The following CRYM variants were observed in gnomAD, a reference collection of about 807,000 sequenced individuals.
CRYM encodes ketimine reductase mu-crystallin.
CRYM carries 18 observed loss-of-function variants against 32.9 expected under a neutral mutation model. That is an observed-to-expected ratio of 0.55 (90% CI 0.38 to 0.81). The LOEUF (loss-of-function observed/expected upper bound fraction) is 0.81, where lower values mean the gene tolerates loss of function less well. Among genes scored for constraint, CRYM ranks in the 30% least tolerant of loss-of-function variants. CRYM has a pLI of 0.00. For synonymous variants in CRYM, 153 were observed against 152.4 expected (o/e 1.00, Z -0.03); for missense variants, 337 against 393.5 (o/e 0.86, Z 1.21).
chr16:21,283,764 C>G (rs893629041), intron 1 of CRYM: 3 of 151,226 alleles, frequency 2.0e-5, no homozygotes, highest in African/African-American at 7.2e-5. Context: ...TCCCCGGCTC[C>G]CCACACTCCC....
chr16:21,276,320 C>T (rs960568914), intron 2 of CRYM, among the ~76,000 whole-genome samples: 1 of 152,102 alleles, frequency 6.6e-6, no homozygotes, highest in Non-Finnish European at 1.5e-5. Flanking sequence ...GTTCTACCCC[C>T]CTAGGGAACC....
At chr16:21,281,875 C>G (rs1434564049), upstream of CRYM, among the ~76,000 whole-genome samples, 1 of 152,230 alleles carries the variant, frequency 6.6e-6, no homozygotes, top group Non-Finnish European at 1.5e-5. Context: ...ATAGCTTCTT[C>G]TCTCACCTGT....
chr16:21,275,756 CA>C (rs1191164081), intron 2 of CRYM, among the ~76,000 whole-genome samples, 162 bp from the exon 3 acceptor site: 1 of 152,164 alleles, frequency 6.6e-6, no homozygotes, highest in Non-Finnish European at 1.5e-5. Flanking sequence ...ACGAGATATG[CA>C]ACTTTGAACA....
At chr16:21,299,311 T>G (rs1478520034) in intron 1 of CRYM, among the ~76,000 whole-genome samples, 2 of 151,446 alleles carry the variant, frequency 1.3e-5, no homozygotes, top group East Asian at 1.9e-4. Flanking sequence ...TTTTTTTAAT[T>G]TTTTTTTTAC....
chr16:21,292,758 A>AGAC (rs1960692446), intron 1 of CRYM, among the ~76,000 whole-genome samples: 1 of 141,938 alleles, frequency 7.0e-6, no homozygotes, highest in South Asian at 2.2e-4. Context: ...GATAGATAGA[A>AGAC]TAAGATACAG....
At chr16:21,265,964 C>T (rs1228445696) in intron 5 of CRYM, among the ~76,000 whole-genome samples, 1 of 152,210 alleles carries the variant, frequency 6.6e-6, no homozygotes, top group Non-Finnish European at 1.5e-5. Context: ...TGGCTCACGC[C>T]TGTAATCCCA....
rs1269254625 is a variant in CRYM, at chr16:21,267,555, AT to A, written c.671del (p.Asn224MetfsTer18). The A allele has an allele frequency of 6.2e-7, 1 of 1,613,396 alleles. No homozygotes were observed. The highest frequency in any genetic ancestry group is 8.5e-7 in the Non-Finnish European group (1 of 1,180,004). On this transcript the variant is annotated frameshift_variant and splice_region_variant, in exon 5 of 8. Coordinates refer to ENST00000572914, the MANE Select transcript of CRYM (RefSeq NM_001376256.1). LOFTEE classifies it high-confidence loss of function. ...GEWVKPGAHI[N>X]AVGASRPDWR... ...GCCTTATGGAGCCACTCTACTTACCATTGATGTGAGCCCCTGGCTTCACCCA... is the reference window on the plus strand; with the variant it reads ...GCCTTATGGAGCCACTCTACTTACCATGATGTGAGCCCCTGGCTTCACCCA...
intron 1 of CRYM, chr16:21,283,411 C>G (rs1483569878): frequency 6.6e-6 from 1 of 152,032 alleles, no homozygotes; most frequent in Non-Finnish European, 1.5e-5. Context: ...CTGTAGATGC[C>G]AATACAGCTC....
chr16:21,289,120 G>A (rs1213476358), intron 1 of CRYM, among the ~76,000 whole-genome samples: 1 of 152,032 alleles, frequency 6.6e-6, no homozygotes, highest in Non-Finnish European at 1.5e-5. Flanking sequence ...GGTTTATTTT[G>A]TTGTTCATAT....
At position 21,269,778 on chromosome 16, in the gene CRYM, C is replaced by A; in HGVS notation, c.489+12G>T. The A allele has an allele frequency of 7.0e-7, 1 of 1,432,928 alleles. No individual in the cohort carries two copies. Among genetic ancestry groups the A allele is most frequent in the South Asian group, 1.1e-5 (1 of 87,322 alleles). 88.8% of individuals were successfully genotyped at this position (1,432,928 alleles called of 1,614,324 possible). ...CTTCCCTCTTCTCTCCCACCCCCAC[C>A]CCTGGACTTACCTCCTTAAAGGAGA... On this transcript the variant is annotated intron_variant, in intron 4 of 7. Coordinates refer to ENST00000572914, the MANE Select transcript of CRYM (RefSeq NM_001376256.1).
At chr16:21,281,321 C>A (rs1166776991), upstream of CRYM, among the ~76,000 whole-genome samples, 1 of 151,366 alleles carries the variant, frequency 6.6e-6, no homozygotes, top group Non-Finnish European at 1.5e-5. Context: ...GTGGCATGAT[C>A]TCAAGTGATT....
At chr16:21,294,248 C>T (rs745643812) in intron 1 of CRYM, among the ~76,000 whole-genome samples, 12 of 152,184 alleles carry the variant, frequency 7.9e-5, no homozygotes, top group Non-Finnish European at 1.2e-4. Context: ...TGGTCGTGGT[C>T]TTGAAGCAGG....
chr16:21,267,472 C>G, intron 5 of CRYM, 82 bp downstream of exon 5: 1 of 1,414,662 alleles, frequency 7.1e-7, no homozygotes, highest in Admixed American at 1.7e-5. Flanking sequence ...AATAAACTGG[C>G]TCTGCAAATG....
At chr16:21,282,082 A>T (rs2093399183), upstream of CRYM, among the ~76,000 whole-genome samples, 1 of 152,292 alleles carries the variant, frequency 6.6e-6, no homozygotes, top group East Asian at 1.9e-4. Flanking sequence ...TGAATCATGG[A>T]GGCGGGTCTT....
At chr16:21,262,780 T>G (rs955191549) in intron 5 of CRYM, among the ~76,000 whole-genome samples, 1 of 152,212 alleles carries the variant, frequency 6.6e-6, no homozygotes, top group Non-Finnish European at 1.5e-5. Flanking sequence ...TTCTCGCAAG[T>G]ACATTTCAAA....
intron 1 of CRYM, among the ~76,000 whole-genome samples, chr16:21,296,182 C>A (rs1960784364): frequency 6.6e-6 from 1 of 152,226 alleles, no homozygotes; most frequent in African/African-American, 2.4e-5. Context: ...GAGTGATCCA[C>A]CCGCCTTGGC....
chr16:21,292,576 A>G (rs541730797), intron 1 of CRYM, among the ~76,000 whole-genome samples: 2 of 152,320 alleles, frequency 1.3e-5, no homozygotes, highest in South Asian at 2.1e-4. Flanking sequence ...AGCTGATTCT[A>G]AAATTTATAT....
intron 3 of CRYM, among the ~76,000 whole-genome samples, chr16:21,271,660 A>AT (rs1214857776): frequency 6.6e-6 from 1 of 152,122 alleles, no homozygotes. Flanking sequence ...GGATAATTAG[A>AT]TTTTTTTCCT....
intron 5 of CRYM, 63 bp downstream of exon 5, chr16:21,267,491 T>C (rs1372389909): frequency 2.6e-6 from 4 of 1,543,328 alleles, no homozygotes; most frequent in African/African-American, 2.7e-5. Context: ...TGTAGTCGAC[T>C]GGTCCCGTCT....
Sources: allele counts gnomAD v4.1 joint callset (sites outside exome capture counted in the v4.1 genomes callset), GRCh38; gene constraint gnomAD v4.1.1; transcripts MANE v1.5; gene names NCBI Gene and HGNC (gene_info 2026-07-23, HGNC 2026-07-21).